The following MMP20 variants were observed in gnomAD, a reference collection of about 807,000 sequenced individuals.
MMP20 encodes the protein matrix metalloproteinase-20.
In MMP20, 50 loss-of-function variants were observed where a neutral mutation model predicts 51.8. The observed-to-expected ratio is 0.97, with a 90% CI of 0.77 to 1.22. The LOEUF (loss-of-function observed/expected upper bound fraction) is 1.22, where lower values mean the gene tolerates loss of function less well. Among genes scored for constraint, MMP20 ranks in the 50% most tolerant of loss-of-function variants. The pLI is 0.00. For synonymous variants in MMP20, 244 were observed against 216.2 expected (o/e 1.13, Z -1.13); for missense variants, 663 against 601.4 (o/e 1.10, Z -1.07).
At chr11:102,621,503 C>T (rs1257817215) in intron 1 of MMP20, among the ~76,000 whole-genome samples, 1 of 152,264 alleles carries the variant, frequency 6.6e-6, no homozygotes, top group Admixed American at 6.5e-5. Flanking sequence ...CTACTGGCTA[C>T]GTGAGTGTGA....
At chr11:102,617,815 A>C (rs938198225) in intron 1 of MMP20, among the ~76,000 whole-genome samples, 11 of 152,192 alleles carry the variant, frequency 7.2e-5, no homozygotes, top group South Asian at 2.1e-4. Flanking sequence ...ATTAGGGTAA[A>C]ACGAGTGATG....
intron 8 of MMP20, among the ~76,000 whole-genome samples, chr11:102,589,035 A>G (rs909050774): frequency 3.9e-5 from 6 of 152,268 alleles, no homozygotes; most frequent in Middle Eastern, 3.4e-3. Flanking sequence ...TATGGAAGGT[A>G]TTTAACATGT....
Position 102,602,483 on chromosome 11 carries a change from A to G in MMP20, c.953+4052T>C, listed in dbSNP as rs1227652090. Among the ~76,000 whole-genome samples, 3 of 152,152 alleles carry G rather than the reference A, an allele frequency of 2.0e-5. No homozygotes were observed. The East Asian group carries it at 5.8e-4, about 29-fold the overall frequency. On this transcript the variant is annotated intron_variant, in intron 6 of 9. Transcript: ENST00000260228. ...CAAGCAGAGGGTGTGGAAGCAAAGG[A>G]ACAGCTCGGAAGTGCTCTTCCTACT...
At chr11:102,598,452 A>G (rs1217661143) in intron 6 of MMP20, among the ~76,000 whole-genome samples, 2 of 152,210 alleles carry the variant, frequency 1.3e-5, no homozygotes, top group African/African-American at 2.4e-5. Context: ...GTTTATCTTC[A>G]TGTACCCACT....
Position 102,606,699 on chromosome 11 carries a change from C to A in MMP20, c.812-23G>T. The A allele has an allele frequency of 1.9e-6, 3 of 1,613,640 alleles. No individual in the cohort carries two copies. In the South Asian group the frequency reaches 3.3e-5, roughly 18 times the overall value. On this transcript the variant is annotated intron_variant, in intron 5 of 9. Coordinates refer to ENST00000260228, the MANE Select transcript of MMP20 (RefSeq NM_004771.4). ...GTCCTAGGATTCAAAATGAGTTGGT[C>A]AAAATGGTAACGGGAATTTGGAGTT... is the stretch of plus-strand genomic sequence containing the variant.
chr11:102,611,029 G>A (rs564361056), intron 3 of MMP20, among the ~76,000 whole-genome samples: 1 of 152,200 alleles, frequency 6.6e-6, no homozygotes, highest in Non-Finnish European at 1.5e-5. Context: ...GGGAGGAATA[G>A]GACATAACCT....
At position 102,601,597 on chromosome 11, in the gene MMP20, T is replaced by C. The variant is rs12282164; in HGVS notation, c.953+4938A>G. ...CACATCTTTAAATGTCTCCTTTATG[T>C]GGGAGATTCAAAACCCACGAAGCCT... On this transcript the variant is annotated intron_variant, in intron 6 of 9. Coordinates refer to ENST00000260228, the MANE Select transcript of MMP20 (RefSeq NM_004771.4). Among the ~76,000 whole-genome samples, 221 of 152,302 alleles carry C rather than the reference T, an allele frequency of 1.5e-3. 1 individual carries two copies. The highest frequency in any genetic ancestry group is 5.1e-3 in the African/African-American group (214 of 41,556).
At chr11:102,615,267 C>A (rs927701381) in intron 2 of MMP20, among the ~76,000 whole-genome samples, 3 of 145,958 alleles carry the variant, frequency 2.1e-5, no homozygotes, top group African/African-American at 7.5e-5. Flanking sequence ...AAATAATATA[C>A]TTATTTAATA....
At chr11:102,616,494 C>T (rs1859672159) in intron 2 of MMP20, among the ~76,000 whole-genome samples, 1 of 152,090 alleles carries the variant, frequency 6.6e-6, no homozygotes, top group African/African-American at 2.4e-5. Flanking sequence ...TCTCATTAAG[C>T]AGGTTGTTTT....
Position 102,602,283 on chromosome 11 carries a change from T to C in MMP20, c.953+4252A>G, listed in dbSNP as rs1470836335. Among the ~76,000 whole-genome samples, 4 of 152,106 alleles carry C rather than the reference T, an allele frequency of 2.6e-5. No individual in the cohort carries two copies. In the South Asian group the frequency reaches 8.3e-4, roughly 32 times the overall value. ...GCGCCCGGCCAAAAATGCTTTTCTT[T>C]GCCTTCTAATTTAAGACACATAACA... On this transcript the variant is annotated intron_variant, in intron 6 of 9. Transcript: ENST00000260228.
In MMP20 at chr11:102,611,906, G is replaced by A. The variant is rs1282209142; in HGVS notation, c.375-3C>T. The A allele has an allele frequency of 6.2e-7, 1 of 1,614,174 alleles. No homozygotes were observed. Among genetic ancestry groups the A allele is most frequent in the Admixed American group, 1.7e-5 (1 of 60,034 alleles). On this transcript the variant is annotated splice_polypyrimidine_tract_variant and splice_region_variant and intron_variant, in intron 2 of 9. Coordinates refer to ENST00000260228, the MANE Select transcript of MMP20 (RefSeq NM_004771.4). ...TGGAAGGTGTGTATTTAGATATTCT[G>A]TGAAAACGGAAGGAACATGTTTTCT... is the stretch of plus-strand genomic sequence containing the variant.
chr11:102,623,098 G>C (rs1307512432), intron 1 of MMP20, among the ~76,000 whole-genome samples: 1 of 152,184 alleles, frequency 6.6e-6, no homozygotes, highest in Non-Finnish European at 1.5e-5. Flanking sequence ...TATGTCATAA[G>C]GGAGACAGAG....
chr11:102,586,503 T>C (rs1285542574), intron 8 of MMP20, among the ~76,000 whole-genome samples: 1 of 152,142 alleles, frequency 6.6e-6, no homozygotes. Flanking sequence ...CTTTTATTTC[T>C]GATTTTAGTA....
At chr11:102,602,170 A>G (rs1479457819) in intron 6 of MMP20, among the ~76,000 whole-genome samples, 33 of 128,574 alleles carry the variant, frequency 2.6e-4, no homozygotes, top group Non-Finnish European at 4.9e-4. Flanking sequence ...GGGTTTCACC[A>G]TGTTAGCCAG....
In MMP20 at chr11:102,593,517, T is replaced by A; in HGVS notation, c.1169A>T (p.His390Leu). 6.2e-7 allele frequency: 1 copy of A among 1,614,182 alleles called. No homozygotes were observed. The highest frequency in any genetic ancestry group is 1.1e-5 in the South Asian group (1 of 91,084). ...RTIYDFGFPR[H>L]VQQIDAAVYL... The stretch of plus-strand genomic sequence containing the variant: ...GACAGCAGCATCTATTTGCTGCACG[T>A]GCCTTGGAAATCCAAAGTCATAAAT... The change falls in exon 8 of 10, where the codon CAC (histidine) becomes CTC (leucine). Residue 390 changes from histidine to leucine, a missense_variant. Physicochemically the swap from His to Leu is moderately conservative, Grantham distance 99 (BLOSUM62 -3). Transcript: ENST00000260228.
intron 1 of MMP20, among the ~76,000 whole-genome samples, chr11:102,621,056 T>C (rs1859744228): frequency 6.6e-6 from 1 of 152,156 alleles, no homozygotes; most frequent in Non-Finnish European, 1.5e-5. Flanking sequence ...CTTAACTCTT[T>C]CTCTCTCTGG....
intron 8 of MMP20, among the ~76,000 whole-genome samples, chr11:102,585,464 C>T (rs1052178739): frequency 6.6e-6 from 1 of 152,116 alleles, no homozygotes; most frequent in African/African-American, 2.4e-5. Flanking sequence ...TCCTTGCAAC[C>T]TTTCTGAACT....
At chr11:102,614,288 G>T (rs1400387819) in intron 2 of MMP20, among the ~76,000 whole-genome samples, 1 of 152,120 alleles carries the variant, frequency 6.6e-6, no homozygotes, top group Non-Finnish European at 1.5e-5. Flanking sequence ...TATTCTGAAA[G>T]TCAGTAGCTA....
chr11:102,591,108 G>A (rs942815376), intron 8 of MMP20, among the ~76,000 whole-genome samples: 2 of 152,196 alleles, frequency 1.3e-5, no homozygotes, highest in African/African-American at 4.8e-5. Flanking sequence ...ACAATAAGAT[G>A]TCACACATAT....
Sources: allele counts gnomAD v4.1 joint callset (sites outside exome capture counted in the v4.1 genomes callset), GRCh38; gene constraint gnomAD v4.1.1; transcripts MANE v1.5; gene names NCBI Gene and HGNC (gene_info 2026-07-23, HGNC 2026-07-21).